PLXNA4: variants seen among roughly 807,000 people sequenced by gnomAD.
The protein encoded by PLXNA4 is plexin-A4.
A neutral mutation model predicts 191.8 loss-of-function variants in PLXNA4; 44 were observed. That is an observed-to-expected ratio of 0.23 (90% CI 0.18 to 0.29). The LOEUF is 0.29. Ranked by LOEUF, PLXNA4 falls within the 10% of genes least tolerant of loss-of-function variation. The probability of loss-of-function intolerance (pLI) is 1.00; values close to 1 mark genes in which losing one functional copy is unlikely to be tolerated. For synonymous variants in PLXNA4, 1,082 were observed against 1,009.5 expected (o/e 1.07, Z -1.36); for missense variants, 1,800 against 2,488.8 (o/e 0.72, Z 5.89).
intron 15 of PLXNA4, among the ~76,000 whole-genome samples, chr7:132,186,509 G>A (rs1562907003): frequency 6.6e-6 from 1 of 152,200 alleles, no homozygotes; most frequent in East Asian, 1.9e-4. Context: ...AGGGAGGGCT[G>A]ACAGGTCTCC....
chr7:132,611,510 G>A (rs1473689624), intron 2 of PLXNA4, among the ~76,000 whole-genome samples: 4 of 152,162 alleles, frequency 2.6e-5, no homozygotes, highest in Non-Finnish European at 4.4e-5. Flanking sequence ...ACTTCTGAAC[G>A]TCTCCAAGAA....
intron 3 of PLXNA4, among the ~76,000 whole-genome samples, chr7:132,318,726 G>C (rs995387316): frequency 6.6e-6 from 1 of 150,718 alleles, no homozygotes; most frequent in Admixed American, 6.6e-5. Flanking sequence ...CCCCTGAAGG[G>C]AGAAATCGAA....
intron 3 of PLXNA4, among the ~76,000 whole-genome samples, chr7:132,358,859 T>C (rs901508634): frequency 5.3e-5 from 8 of 152,304 alleles, no homozygotes; most frequent in Middle Eastern, 3.4e-3. Flanking sequence ...GACTTGAAGG[T>C]TGAAGACAGG....
chr7:132,439,179 C>A (rs1795590251), intron 3 of PLXNA4, among the ~76,000 whole-genome samples: 1 of 152,154 alleles, frequency 6.6e-6, no homozygotes, highest in African/African-American at 2.4e-5. Flanking sequence ...CTGACACTTG[C>A]AGTGCAGCTG....
intron 1 of PLXNA4, among the ~76,000 whole-genome samples, chr7:132,570,839 G>C (rs1251540764): frequency 6.6e-6 from 1 of 152,214 alleles, no homozygotes. Context: ...CATAGAGGGG[G>C]AGGGGAAGAT....
chr7:132,177,129 G>A (rs1479672086), intron 20 of PLXNA4, among the ~76,000 whole-genome samples: 1 of 151,892 alleles, frequency 6.6e-6, no homozygotes, highest in Non-Finnish European at 1.5e-5. Context: ...ATGAGTGTGT[G>A]AGCATGTCAC....
intron 21 of PLXNA4, among the ~76,000 whole-genome samples, chr7:132,169,881 AGGATCTGCCCCCAAGGG>A (rs1257591382): frequency 6.6e-6 from 1 of 152,100 alleles, no homozygotes; most frequent in East Asian, 1.9e-4. Context: ...AGTCAGCTAT[AGGATCTGCCCCCAAGGG>A]GGAGCTTCTG....
chr7:132,608,612 G>T lies in PLXNA4; in HGVS notation c.-87+37316C>A, dbSNP rs186143149. 2.0e-3 allele frequency among the ~76,000 whole-genome samples: 305 copies of T among 152,200 alleles called. 1 individual carries two copies. Among genetic ancestry groups the T allele is most frequent in the Non-Finnish European group, 3.5e-3 (235 of 68,012 alleles). On this transcript the variant is annotated intron_variant, in intron 2 of 4. Coordinates refer to the PLXNA4 transcript ENST00000378539. ...CTGTGGCCAATTCATCACCAAGTTT[G>T]CCCAGTCTCTCCTCTCATGGAGACT...
intron 1 of PLXNA4, among the ~76,000 whole-genome samples, chr7:132,562,073 T>TTCCTCCTCCTCTCCCTCCTCCTTTC (rs1801174160): frequency 1.7e-5 from 1 of 58,180 alleles, no homozygotes; most frequent in Non-Finnish European, 3.1e-5. Flanking sequence ...TCTCCTCCTC[T>TTCCTCCTCCTCTCCCTCCTCCTTTC]TCCTCCTCCT....
chr7:132,628,577 C>T (rs564803724), intron 2 of PLXNA4, among the ~76,000 whole-genome samples: 3 of 151,484 alleles, frequency 2.0e-5, no homozygotes, highest in Admixed American at 2.0e-4. Flanking sequence ...CCCTCATTTC[C>T]TCTCTTCTCT....
intron 2 of PLXNA4, among the ~76,000 whole-genome samples, chr7:132,606,504 A>G (rs1802925851): frequency 6.6e-6 from 1 of 152,244 alleles, no homozygotes; most frequent in Non-Finnish European, 1.5e-5. Flanking sequence ...CACTCAGTTC[A>G]GCTGTATGCA....
At chr7:132,623,551 A>C (rs1803313943) in intron 2 of PLXNA4, among the ~76,000 whole-genome samples, 1 of 152,154 alleles carries the variant, frequency 6.6e-6, no homozygotes, top group Non-Finnish European at 1.5e-5. Context: ...GAGCCAGACT[A>C]TCCAGCTCCT....
Position 132,526,220 on chromosome 7 carries a change from C to T in PLXNA4, c.-86-17441G>A, listed in dbSNP as rs144657403. Among the ~76,000 whole-genome samples, 1,343 of 152,280 alleles carry T rather than the reference C, an allele frequency of 8.8e-3. 11 individuals are homozygous for T. The highest frequency in any genetic ancestry group is 0.014 in the Non-Finnish European group (970 of 68,024). ...ACGGGTGCGAGTGGTATAGACTGCA[C>T]TCCTTGATATTCCCTTCCCACCAAA... On this transcript the variant is annotated intron_variant, in intron 1 of 31. Coordinates refer to ENST00000321063, the MANE Select transcript of PLXNA4 (RefSeq NM_020911.2).
chr7:132,528,444 A>T (rs143131963), intron 1 of PLXNA4, among the ~76,000 whole-genome samples: 54 of 152,310 alleles, frequency 3.5e-4, no homozygotes, highest in African/African-American at 1.2e-3. Context: ...GGCAGCCATG[A>T]TTGGAATAAG....
intron 3 of PLXNA4, among the ~76,000 whole-genome samples, chr7:132,370,954 G>A (rs1313639013): frequency 6.6e-6 from 1 of 152,234 alleles, no homozygotes; most frequent in African/African-American, 2.4e-5. Context: ...TGGTTGGCAT[G>A]AGCACCTGAA....
In PLXNA4 at chr7:132,508,532, C is replaced by T. The variant is rs1294279402; in HGVS notation, c.162G>A (p.Leu54=). The T allele has an allele frequency of 6.2e-7, 1 of 1,614,068 alleles. No homozygotes were observed. Among genetic ancestry groups the T allele is most frequent in the East Asian group, 2.2e-5 (1 of 44,898 alleles). The change falls in exon 2 of 32, where the codon CTG becomes CTA. Residue 54 remains leucine (L), a synonymous_variant. Coordinates refer to ENST00000321063, the MANE Select transcript of PLXNA4 (RefSeq NM_020911.2). This position sits in a 1 kb window ranked among gnomAD's most constrained non-coding sequence, Gnocchi z 4.4. The part of the protein sequence containing the change: ...RGEPAEGFNH[L]VVDERTGHIY... ...TGTGTCCTGTCCTCTCATCCACCAC[C>T]AGGTGATTGAAACCCTCGGCGGGCT... is the stretch of plus-strand genomic sequence containing the variant.
chr7:132,307,894 A>C (rs1347456817), intron 3 of PLXNA4, among the ~76,000 whole-genome samples: 2 of 152,212 alleles, frequency 1.3e-5, no homozygotes. Context: ...GTGTGTGCAC[A>C]AATCGTGTGC....
chr7:132,180,519 G>T, intron 19 of PLXNA4, 67 bp downstream of exon 19: 1 of 1,593,696 alleles, frequency 6.3e-7, no homozygotes, highest in Non-Finnish European at 8.6e-7. Flanking sequence ...GAAAGCCTTG[G>T]TGGCCTGAGC....
chr7:132,327,628 A>G (rs1330098903), intron 3 of PLXNA4, among the ~76,000 whole-genome samples: 1 of 152,206 alleles, frequency 6.6e-6, no homozygotes, highest in Non-Finnish European at 1.5e-5. Flanking sequence ...AGGTTCTGCT[A>G]TGCCCTGGGT....
Sources: gnomAD v4.1 joint callset for allele counts (sites outside exome capture counted in the v4.1 genomes callset) on GRCh38, gnomAD v4.1.1 for gene constraint, Gnocchi (gnomAD v3.1) non-coding constraint, MANE v1.5 for transcripts, NCBI Gene and HGNC (gene_info 2026-07-23, HGNC 2026-07-21) for gene names.